Variants in ZNF385B observed in about 807,000 individuals in gnomAD.
ZNF385B encodes the protein zinc finger protein 385B.
A neutral mutation model predicts 39.2 loss-of-function variants in ZNF385B; 23 were observed. That is an observed-to-expected ratio of 0.59 (90% confidence interval 0.42 to 0.83). ZNF385B has a LOEUF of 0.83. Ranked by LOEUF, ZNF385B falls within the 40% of genes least tolerant of loss-of-function variation. The pLI is 0.00. For synonymous variants in ZNF385B, 205 were observed against 222.6 expected, an observed-to-expected ratio of 0.92 and a Z score of 0.70; for missense variants, 552 against 598.9, an observed-to-expected ratio of 0.92 and a Z score of 0.82.
intron 1 of ZNF385B, among the ~76,000 whole-genome samples, chr2:179,808,029 T>TTGTG (rs1209880308): frequency 3.4e-4 from 42 of 125,350 alleles, no homozygotes; most frequent in African/African-American, 9.1e-4. Flanking sequence ...ATAATTCTTT[T>TTGTG]TGTTTGTTTG....
chr2:179,706,525 G>A (rs1232292950), intron 3 of ZNF385B, among the ~76,000 whole-genome samples: 1 of 152,142 alleles, frequency 6.6e-6, no homozygotes, highest in Admixed American at 6.5e-5. Context: ...TCCTGGGCTG[G>A]CCATCCATGT....
chr2:179,624,191 T>C (rs1260926697), intron 3 of ZNF385B, among the ~76,000 whole-genome samples: 1 of 152,142 alleles, frequency 6.6e-6, no homozygotes, highest in Non-Finnish European at 1.5e-5. Flanking sequence ...TTTCTCTAGG[T>C]ATTTGCTATC....
rs188191676 is a variant in ZNF385B at position 179,815,997 on chromosome 2, A to T, written c.-155+45104T>A. Reference sequence around the variant, plus strand: ...AAATATGTTTGTACACTGACAACTTACATATAACACACACACACACACACA... The same window carrying T: ...AAATATGTTTGTACACTGACAACTTTCATATAACACACACACACACACACA... On this transcript the variant is annotated intron_variant, in intron 1 of 9. Coordinates refer to ENST00000410066, the MANE Select transcript of ZNF385B (RefSeq NM_152520.6). Among the ~76,000 whole-genome samples, 116 of 151,952 alleles carry T rather than the reference A, an allele frequency of 7.6e-4. 1 individual carries two copies. In the East Asian group the frequency reaches 0.021, roughly 27 times the overall value.
At chr2:179,838,903 A>T (rs1309801548) in intron 1 of ZNF385B, among the ~76,000 whole-genome samples, 1 of 138,650 alleles carries the variant, frequency 7.2e-6, no homozygotes, top group African/African-American at 2.7e-5. Flanking sequence ...GCTAAATATG[A>T]GTTATTACTG....
intron 3 of ZNF385B, among the ~76,000 whole-genome samples, chr2:179,665,177 T>C (rs1313882690): frequency 6.6e-6 from 1 of 152,188 alleles, no homozygotes; most frequent in Admixed American, 6.5e-5. Context: ...CACTGATCAC[T>C]GTCACAATGC....
At chr2:179,859,384 G>T (rs1366054072) in intron 1 of ZNF385B, among the ~76,000 whole-genome samples, 1 of 152,120 alleles carries the variant, frequency 6.6e-6, no homozygotes, top group Non-Finnish European at 1.5e-5. Flanking sequence ...ATGATACTTA[G>T]TGGTTATTAA....
chr2:179,543,580 C>T (rs1007509161), intron 4 of ZNF385B, among the ~76,000 whole-genome samples: 10 of 152,122 alleles, frequency 6.6e-5, no homozygotes, highest in South Asian at 4.1e-4. Flanking sequence ...TGGGATGCAG[C>T]GGGTGGATCA....
intron 1 of ZNF385B, among the ~76,000 whole-genome samples, chr2:179,853,946 T>C (rs1360066054): frequency 6.6e-6 from 1 of 152,184 alleles, no homozygotes; most frequent in East Asian, 1.9e-4. Flanking sequence ...TTTCCCATCT[T>C]CAATAGTGCA....
chr2:179,492,306 G>A lies in ZNF385B; in HGVS notation c.553-8872C>T, dbSNP rs145738207. ...TGTGTGCTTCATAAGAGCAATTTTT[G>A]TTACTCAATGATAAGTAATGCAATA... On this transcript the variant is annotated intron_variant, in intron 5 of 9. Coordinates refer to ENST00000410066, the MANE Select transcript of ZNF385B (RefSeq NM_152520.6). Among the ~76,000 whole-genome samples the A allele has an allele frequency of 2.0e-4, 31 of 152,236 alleles. No homozygotes were observed. The Middle Eastern group carries it at 0.01, about 50-fold the overall frequency.
chr2:179,478,036 C>T (rs17803813), intron 6 of ZNF385B, among the ~76,000 whole-genome samples: 23,847 of 152,120 alleles, frequency 0.16, 2,097 homozygotes, highest in Middle Eastern at 0.21. Context: ...TCCTCCAAGT[C>T]ACAGAAGTTT....
rs560842491 is a variant in ZNF385B, at chr2:179,588,158, G to A, written c.299-43189C>T. Among the ~76,000 whole-genome samples, 18 of 151,982 alleles carry A rather than the reference G, an allele frequency of 1.2e-4. No homozygotes were observed. In the South Asian group the frequency reaches 3.7e-3, roughly 32 times the overall value. ...GGCTGGAGTGCAGTGGCACCATCTCGGCTCACTGCAAGCTCCGCCTCCTGG... is the reference window on the plus strand; with the variant it reads ...GGCTGGAGTGCAGTGGCACCATCTCAGCTCACTGCAAGCTCCGCCTCCTGG... On this transcript the variant is annotated intron_variant, in intron 3 of 9. Coordinates refer to ENST00000410066, the MANE Select transcript of ZNF385B (RefSeq NM_152520.6).
At chr2:179,469,871 G>A (rs1269039996) in intron 6 of ZNF385B, among the ~76,000 whole-genome samples, 1 of 152,170 alleles carries the variant, frequency 6.6e-6, no homozygotes, top group African/African-American at 2.4e-5. Context: ...AGATTAATCT[G>A]CCTTGTGCCC....
At chr2:179,600,665 AG>A (rs1382900655) in intron 3 of ZNF385B, among the ~76,000 whole-genome samples, 1 of 152,228 alleles carries the variant, frequency 6.6e-6, no homozygotes, top group Non-Finnish European at 1.5e-5. Flanking sequence ...TTGGTCCTAC[AG>A]GGGCATTGCC....
At position 179,443,185 on chromosome 2, in the gene ZNF385B, C is replaced by T. The variant is rs2049114374; in HGVS notation, c.*65G>A. The T allele has an allele frequency of 6.3e-7, 1 of 1,590,824 alleles. No homozygotes were observed. Among genetic ancestry groups the T allele is most frequent in the African/African-American group, 1.3e-5 (1 of 74,420 alleles). The stretch of plus-strand genomic sequence containing the variant: ...ACTGCAACACAAACTGCTTAAATTG[C>T]TGAATCCTTGTGGCTTTCTTTCTCA... On this transcript the variant is annotated 3_prime_UTR_variant, in exon 10 of 10. Coordinates refer to ENST00000410066, the MANE Select transcript of ZNF385B (RefSeq NM_152520.6).
chr2:179,692,164 T>G (rs1043928239), intron 3 of ZNF385B, among the ~76,000 whole-genome samples: 6 of 152,242 alleles, frequency 3.9e-5, no homozygotes, highest in African/African-American at 1.2e-4. Context: ...CCTCTACCCC[T>G]GGCCTCTGGT....
intron 6 of ZNF385B, among the ~76,000 whole-genome samples, chr2:179,456,814 CTA>C (rs985138303): frequency 6.6e-6 from 1 of 152,134 alleles, no homozygotes; most frequent in African/African-American, 2.4e-5. Context: ...AGACCAAGCA[CTA>C]TTTTAAGAAT....
chr2:179,860,873 C>T (rs1256114438), intron 1 of ZNF385B: 1 of 312,978 alleles, frequency 3.2e-6, no homozygotes, highest in Non-Finnish European at 6.8e-6. Context: ...ACTCCAGGGA[C>T]TCGCAGGAGT....
At chr2:179,656,841 G>T (rs1037238118) in intron 3 of ZNF385B, among the ~76,000 whole-genome samples, 1 of 152,046 alleles carries the variant, frequency 6.6e-6, no homozygotes, top group Non-Finnish European at 1.5e-5. Flanking sequence ...TGCCCTTTGG[G>T]AGCAATGAAT....
At position 179,560,070 on chromosome 2, in the gene ZNF385B, T is replaced by C. The variant is rs554407262; in HGVS notation, c.299-15101A>G. 1.1e-4 allele frequency among the ~76,000 whole-genome samples: 16 copies of C among 152,316 alleles called. 1 individual carries two copies. Among genetic ancestry groups the C allele is most frequent in the Admixed American group, 9.8e-4 (15 of 15,294 alleles). ...TTTAACGTAATGTCTTCCAGTCTCA[T>C]CCATGTTGTTGCAAATGGTAGGATC... On this transcript the variant is annotated intron_variant, in intron 3 of 9. Coordinates refer to ENST00000410066, the MANE Select transcript of ZNF385B (RefSeq NM_152520.6).
Sources: gnomAD v4.1 joint callset for allele counts (sites outside exome capture counted in the v4.1 genomes callset) on GRCh38, gnomAD v4.1.1 for gene constraint, MANE v1.5 for transcripts, NCBI Gene and HGNC (gene_info 2026-07-23, HGNC 2026-07-21) for gene names.